Variants in COL4A1 observed in about 807,000 individuals in gnomAD.
COL4A1 encodes collagen type IV alpha 1 chain.
In COL4A1, 40 loss-of-function variants were observed where a neutral mutation model predicts 216.6. That is an observed-to-expected ratio of 0.18 (90% confidence interval 0.14 to 0.24). The LOEUF is 0.24. Among genes scored for constraint, COL4A1 ranks in the 10% least tolerant of loss-of-function variants. The pLI, the probability that COL4A1 is intolerant of heterozygous loss-of-function variation, is 1.00. For synonymous variants in COL4A1, 839 were observed against 810.7 expected, an observed-to-expected ratio of 1.03 and a Z score of -0.59; for missense variants, 1,628 against 2,196.8, an observed-to-expected ratio of 0.74 and a Z score of 5.18.
chr13:110,280,861 A>C (rs1295226202), intron 1 of COL4A1, among the ~76,000 whole-genome samples: 1 of 152,108 alleles, frequency 6.6e-6, no homozygotes, highest in Admixed American at 6.6e-5. Flanking sequence ...AATACATCCG[A>C]GATCTGGCTG....
intron 2 of COL4A1, among the ~76,000 whole-genome samples, chr13:110,217,578 A>G (rs946772881): frequency 6.6e-6 from 1 of 152,246 alleles, no homozygotes; most frequent in Non-Finnish European, 1.5e-5. Flanking sequence ...AAAATGGAAG[A>G]AAGAAACGAG....
chr13:110,198,397 C>A, intron 21 of COL4A1, 70 bp downstream of exon 21: 8 of 1,585,932 alleles, frequency 5.0e-6, no homozygotes, highest in Non-Finnish European at 6.9e-6. Flanking sequence ...TCACAGCCCC[C>A]AACCTGGGTC....
chr13:110,206,789 T>C (rs1279089953), intron 14 of COL4A1, 74 bp from the exon 15 acceptor site: 4 of 1,608,348 alleles, frequency 2.5e-6, no homozygotes, highest in Non-Finnish European at 3.4e-6. Context: ...ATATTAAACT[T>C]AAGGTGAAAA....
chr13:110,256,123 G>A (rs694543), intron 1 of COL4A1, among the ~76,000 whole-genome samples: 151,443 of 152,180 alleles, frequency 1, 75,360 homozygotes, highest in Middle Eastern at 1. Flanking sequence ...TTAAAATCTT[G>A]CCTAACATTT....
At chr13:110,186,149 T>A (rs1009462517) in intron 26 of COL4A1, among the ~76,000 whole-genome samples, 1 of 152,216 alleles carries the variant, frequency 6.6e-6, no homozygotes, top group African/African-American at 2.4e-5. Flanking sequence ...TACTTACTTA[T>A]GAGGACTGTA....
intron 1 of COL4A1, among the ~76,000 whole-genome samples, chr13:110,243,929 G>A (rs545124572): frequency 6.6e-6 from 1 of 152,046 alleles, no homozygotes; most frequent in Non-Finnish European, 1.5e-5. Context: ...GAAATACGTC[G>A]GTACATACAC....
At chr13:110,252,670 C>T (rs1438914107) in intron 1 of COL4A1, among the ~76,000 whole-genome samples, 4 of 138,694 alleles carry the variant, frequency 2.9e-5, no homozygotes, top group Admixed American at 7.4e-5. Context: ...TGTATATATA[C>T]ATATAATATG....
intron 1 of COL4A1, among the ~76,000 whole-genome samples, chr13:110,270,834 C>A (rs1453500313): frequency 6.6e-6 from 1 of 152,118 alleles, no homozygotes; most frequent in Non-Finnish European, 1.5e-5. Flanking sequence ...GCATGCCTAG[C>A]CCCCCTAACT....
At chr13:110,181,450 C>T (rs1204462018) in intron 28 of COL4A1, 61 bp from the exon 29 acceptor site, 6 of 1,448,424 alleles carry the variant, frequency 4.1e-6, no homozygotes, top group Non-Finnish European at 5.7e-6. Flanking sequence ...CAATGCCGTT[C>T]CCCACTTTCT....
intron 50 of COL4A1, among the ~76,000 whole-genome samples, chr13:110,153,930 C>T (rs375164222): frequency 1.1e-4 from 17 of 152,272 alleles, no homozygotes; most frequent in South Asian, 6.2e-4. Flanking sequence ...ACCCTCCACA[C>T]GGCTGGGGCG....
rs77494508 is a variant in COL4A1, at chr13:110,235,879, T to C, written c.144+6796A>G. 5.6e-3 allele frequency among the ~76,000 whole-genome samples: 847 copies of C among 152,272 alleles called. 6 individuals are homozygous for C. The highest frequency in any genetic ancestry group is 0.014 in the Middle Eastern group (4 of 294). The stretch of plus-strand genomic sequence containing the variant: ...TAATGAAAACATGGCTAAAACTATG[T>C]CTATTGTTACCCATGTGTAAATTAG... On this transcript the variant is annotated intron_variant, in intron 2 of 51. Transcript: ENST00000375820.
chr13:110,307,048 G>T lies in COL4A1; in HGVS notation c.-21C>A. 6 of 1,451,592 alleles carry T rather than the reference G, an allele frequency of 4.1e-6. No homozygotes were observed. Among genetic ancestry groups the T allele is most frequent in the Non-Finnish European group, 5.4e-6 (6 of 1,106,560 alleles). 89.9% of individuals were successfully genotyped at this position (1,451,592 alleles called of 1,614,324 possible). ...CCCATGGTGGCGCGCCCGAGGCGGCGAGGGACGGCTGCCCGGCGTGCGGGG... is the reference window on the plus strand; with the variant it reads ...CCCATGGTGGCGCGCCCGAGGCGGCTAGGGACGGCTGCCCGGCGTGCGGGG... On this transcript the variant is annotated 5_prime_UTR_variant, in exon 1 of 52. Transcript: ENST00000375820. The surrounding 1 kb of genome is among the most constrained non-coding windows in gnomAD (Gnocchi z 5.0).
chr13:110,237,726 G>A (rs779919430), intron 2 of COL4A1, among the ~76,000 whole-genome samples: 7 of 152,198 alleles, frequency 4.6e-5, no homozygotes, highest in African/African-American at 1.4e-4. Context: ...GCCTAGATCC[G>A]TTGTGTAAAA....
intron 33 of COL4A1, among the ~76,000 whole-genome samples, chr13:110,177,438 T>C (rs2139163534): frequency 6.6e-6 from 1 of 152,360 alleles, no homozygotes; most frequent in South Asian, 2.1e-4. Flanking sequence ...ACAGTATTTC[T>C]TTGTAAAAGA....
chr13:110,219,187 G>A (rs1880251912), intron 2 of COL4A1, among the ~76,000 whole-genome samples: 1 of 152,152 alleles, frequency 6.6e-6, no homozygotes, highest in Non-Finnish European at 1.5e-5. Flanking sequence ...CAGTTTGAGG[G>A]GGGACAGATG....
intron 2 of COL4A1, among the ~76,000 whole-genome samples, chr13:110,217,692 A>T (rs1880156951): frequency 6.6e-6 from 1 of 152,230 alleles, no homozygotes; most frequent in African/African-American, 2.4e-5. Flanking sequence ...AAGGAAAATC[A>T]TACGCCAAAG....
chr13:110,201,438 C>A lies in COL4A1; in HGVS notation c.1084G>T (p.Gly362Cys). 1 of 1,613,086 alleles carries A rather than the reference C, an allele frequency of 6.2e-7. No individual in the cohort carries two copies. The highest frequency in any genetic ancestry group is 8.5e-7 in the Non-Finnish European group (1 of 1,179,820). The change falls in exon 19 of 52, where the codon GGT becomes TGT. Residue 362 changes from glycine (G) to cysteine (C), a missense_variant and splice_region_variant. By Grantham distance (159) the Gly-to-Cys change is radical (BLOSUM62 -3). Transcript: ENST00000375820. ...PGPRGEPGPK[G>C]FPGLPGQPGP... ...GGGGGGAAAAAGGCAAGAAAGCTACCTTTTGGGCCTGGCTCTCCTCTTGGC... is the reference window on the plus strand; with the variant it reads ...GGGGGGAAAAAGGCAAGAAAGCTACATTTTGGGCCTGGCTCTCCTCTTGGC...
At position 110,158,739 on chromosome 13, in the gene COL4A1, C is replaced by CTTTT. The variant is rs556230875; in HGVS notation, c.4640+2449_4640+2452dup. ...TTTCTGAATATTTCTAAGAAATAAA[C>CTTTT]TTTTTTTTTTTTTTTTTTTTGAGAC... On this transcript the variant is annotated intron_variant, in intron 49 of 51. Transcript: ENST00000375820. Among the ~76,000 whole-genome samples, 565 of 105,800 alleles carry CTTTT rather than the reference C, an allele frequency of 5.3e-3. 14 individuals are homozygous for CTTTT. Among genetic ancestry groups the CTTTT allele is most frequent in the African/African-American group, 0.011 (307 of 27,556 alleles). The allele number at this position is 105,800 out of a possible 152,430, so 69.4% of individuals were successfully genotyped here. A position where few individuals can be genotyped will look rare whatever the true frequency, so the allele number is the denominator to read the frequency against.
At chr13:110,174,353 C>CAA (rs2139159939) in intron 39 of COL4A1, 93 bp downstream of exon 39, 1 of 1,391,788 alleles carries the variant, frequency 7.2e-7, no homozygotes, top group Non-Finnish European at 1.0e-6. Flanking sequence ...GGCCTCCCTG[C>CAA]TCCCCGTCTG....
Sources: gnomAD v4.1 joint callset for allele counts (sites outside exome capture counted in the v4.1 genomes callset) on GRCh38, gnomAD v4.1.1 for gene constraint, Gnocchi (gnomAD v3.1) non-coding constraint, MANE v1.5 for transcripts, NCBI Gene and HGNC (gene_info 2026-07-23, HGNC 2026-07-21) for gene names.